Variants in KCNIP4 observed in about 807,000 individuals in gnomAD.
KCNIP4 encodes potassium voltage-gated channel interacting protein 4, also known as Kv channel-interacting protein 4.
In KCNIP4, 12 loss-of-function variants were observed where a neutral mutation model predicts 34.0. The observed-to-expected ratio is 0.35, with a 90% CI of 0.23 to 0.57. KCNIP4 has a LOEUF of 0.57. KCNIP4 is among the 20% of genes least tolerant of loss of function. KCNIP4 has a pLI of 0.83. For synonymous variants in KCNIP4, 124 were observed against 102.2 expected (o/e 1.21, Z -1.29); for missense variants, 238 against 311.7 (o/e 0.76, Z 1.78).
In KCNIP4 at chr4:20,925,935, ATGT is replaced by A. The variant is rs1024949472; in HGVS notation, c.62-43229_62-43227del. On this transcript the variant is annotated intron_variant, in intron 1 of 8. Transcript: ENST00000382152. ...CAACAAATTGTTACAACACCTTGAAATGTTGTTCCTGATAAAAGCTCATTAGAG... is the reference window on the plus strand; with the variant it reads ...CAACAAATTGTTACAACACCTTGAAATGTTCCTGATAAAAGCTCATTAGAG... Among the ~76,000 whole-genome samples, 27 of 152,330 alleles carry A rather than the reference ATGT, an allele frequency of 1.8e-4. No homozygotes were observed. In the East Asian group the frequency reaches 4.2e-3, roughly 24 times the overall value.
intron 1 of KCNIP4, among the ~76,000 whole-genome samples, chr4:21,898,227 C>T (rs1727507978): frequency 6.6e-6 from 1 of 152,158 alleles, no homozygotes; most frequent in Non-Finnish European, 1.5e-5. Flanking sequence ...GCTGCAATTC[C>T]TGGGCAAGTC....
At chr4:21,213,876 T>C (rs1445542317) in intron 1 of KCNIP4, among the ~76,000 whole-genome samples, 1 of 152,110 alleles carries the variant, frequency 6.6e-6, no homozygotes, top group Non-Finnish European at 1.5e-5. Context: ...GATTCATGCC[T>C]CAAAAAATCC....
chr4:21,907,889 A>G (rs1398825612), intron 1 of KCNIP4, among the ~76,000 whole-genome samples: 1 of 152,176 alleles, frequency 6.6e-6, no homozygotes, highest in Non-Finnish European at 1.5e-5. Flanking sequence ...AATAATAACA[A>G]AAGAATTTTT....
intron 1 of KCNIP4, among the ~76,000 whole-genome samples, chr4:21,605,379 T>TGA (rs908289866): frequency 6.6e-6 from 1 of 152,226 alleles, no homozygotes; most frequent in Non-Finnish European, 1.5e-5. Context: ...GAGTCCTTAT[T>TGA]GAGGATCATT....
chr4:21,408,773 T>G (rs36088245), intron 1 of KCNIP4, among the ~76,000 whole-genome samples: 3,693 of 152,330 alleles, frequency 0.024, 191 homozygotes, highest in East Asian at 0.19. Context: ...TGATTCTCGT[T>G]ACAGTGACTT....
chr4:21,932,887 C>T (rs1390029973), intron 1 of KCNIP4, among the ~76,000 whole-genome samples: 1 of 150,220 alleles, frequency 6.7e-6, no homozygotes. Flanking sequence ...ATGAAAAAAT[C>T]TATCAAAATG....
At chr4:20,839,855 A>G (rs923344854) in intron 3 of KCNIP4, among the ~76,000 whole-genome samples, 2 of 152,106 alleles carry the variant, frequency 1.3e-5, no homozygotes, top group African/African-American at 4.8e-5. Context: ...ATCTAATTAC[A>G]TTATAAATTT....
intron 1 of KCNIP4, among the ~76,000 whole-genome samples, chr4:21,467,598 T>C (rs992058456): frequency 1.3e-5 from 2 of 152,120 alleles, no homozygotes; most frequent in South Asian, 4.1e-4. Context: ...ATAAAAACAT[T>C]CTCAGATAGA....
At chr4:21,364,653 A>G (rs897049045) in intron 1 of KCNIP4, among the ~76,000 whole-genome samples, 15 of 152,132 alleles carry the variant, frequency 9.9e-5, no homozygotes, top group African/African-American at 3.4e-4. Context: ...TGACAAGTCA[A>G]TGCACCTATA....
intron 1 of KCNIP4, among the ~76,000 whole-genome samples, chr4:21,262,366 G>C (rs1374705890): frequency 6.6e-6 from 1 of 152,130 alleles, no homozygotes; most frequent in Non-Finnish European, 1.5e-5. Flanking sequence ...TTTGTTGGAG[G>C]ATGACCTTCA....
chr4:21,819,650 T>C (rs533385831), intron 1 of KCNIP4, among the ~76,000 whole-genome samples: 39 of 152,134 alleles, frequency 2.6e-4, no homozygotes, highest in Non-Finnish European at 4.9e-4. Context: ...TTGAAGGAAA[T>C]AATGATTTTT....
intron 1 of KCNIP4, among the ~76,000 whole-genome samples, chr4:21,811,145 G>A (rs1276506451): frequency 2.6e-5 from 4 of 152,114 alleles, no homozygotes; most frequent in Admixed American, 1.3e-4. Context: ...ACAAATGAGA[G>A]AATCAGGGAT....
At chr4:21,418,826 C>T (rs1725190814) in intron 1 of KCNIP4, among the ~76,000 whole-genome samples, 1 of 152,052 alleles carries the variant, frequency 6.6e-6, no homozygotes, top group Non-Finnish European at 1.5e-5. Flanking sequence ...CAGAAGGCTC[C>T]AATCATACAG....
intron 1 of KCNIP4, among the ~76,000 whole-genome samples, chr4:21,645,281 A>G (rs1746929728): frequency 6.6e-6 from 1 of 152,176 alleles, no homozygotes; most frequent in Non-Finnish European, 1.5e-5. Flanking sequence ...TAAATTGCCC[A>G]TATCATACAT....
chr4:20,999,771 T>G (rs544465578), intron 1 of KCNIP4, among the ~76,000 whole-genome samples: 1 of 152,114 alleles, frequency 6.6e-6, no homozygotes, highest in Non-Finnish European at 1.5e-5. Context: ...CAAGATGATA[T>G]TCAAGTTTTC....
chr4:21,024,292 C>T (rs993750431), intron 1 of KCNIP4, among the ~76,000 whole-genome samples: 5 of 152,154 alleles, frequency 3.3e-5, no homozygotes, highest in African/African-American at 7.2e-5. Context: ...CTCTTGTCAA[C>T]CAGAGTCCTC....
intron 1 of KCNIP4, among the ~76,000 whole-genome samples, chr4:20,931,520 C>T (rs1405057386): frequency 6.6e-6 from 1 of 152,068 alleles, no homozygotes. Context: ...CAGTGTATTA[C>T]TGTACTGTAC....
intron 1 of KCNIP4, among the ~76,000 whole-genome samples, chr4:21,621,796 G>T (rs1382838384): frequency 1.3e-5 from 2 of 152,188 alleles, no homozygotes; most frequent in Non-Finnish European, 2.9e-5. Flanking sequence ...TTATATAAAA[G>T]AAATTGATAT....
chr4:21,291,902 AGAAAGAAAGAAAGAAAGAAAGAAAGAAAG>A (rs1763526476), intron 1 of KCNIP4, among the ~76,000 whole-genome samples: 1 of 90,118 alleles, frequency 1.1e-5, no homozygotes, highest in African/African-American at 6.8e-5. Context: ...AAAGAAAGAA[AGAAAGAAAGAAAGAAAGAAAGAAAGAAAG>A]AAAGAAAAAA....
Sources: allele counts gnomAD v4.1 joint callset (sites outside exome capture counted in the v4.1 genomes callset), GRCh38; gene constraint gnomAD v4.1.1; transcripts MANE v1.5; gene names NCBI Gene and HGNC (gene_info 2026-07-23, HGNC 2026-07-21).